The following ZBTB8OS variants were observed in gnomAD, a reference collection of about 807,000 sequenced individuals.
The protein encoded by ZBTB8OS is tRNA splicing ligase complex subunit 1, also known as tRNA-splicing ligase-activating factor archease.
In ZBTB8OS, 16 loss-of-function variants were observed where a neutral mutation model predicts 29.3. The ratio of observed to expected loss-of-function variants is 0.55; its 90% CI spans 0.37 to 0.83. ZBTB8OS has a LOEUF of 0.83. Ranked by LOEUF, ZBTB8OS falls within the 40% of genes least tolerant of loss-of-function variation. The pLI is 0.00. For synonymous variants in ZBTB8OS, 70 were observed against 64.6 expected, an observed-to-expected ratio of 1.08 and a Z score of -0.40; for missense variants, 160 against 196.9, an observed-to-expected ratio of 0.81 and a Z score of 1.12.
intron 1 of ZBTB8OS, among the ~76,000 whole-genome samples, chr1:32,643,468 C>A (rs1646593217): frequency 6.6e-6 from 1 of 151,846 alleles, no homozygotes; most frequent in South Asian, 2.1e-4. Flanking sequence ...TCATGGCTCA[C>A]AGCAGCCTTG....
chr1:32,632,191 T>A (rs1645618041), intron 4 of ZBTB8OS: 2 of 172,940 alleles, frequency 1.2e-5, no homozygotes, highest in Non-Finnish European at 2.4e-5. Flanking sequence ...GTATTTTTAG[T>A]AGAGACGGGG....
At chr1:32,649,645 CACACACACACACACACACACACA>C (rs1557834931) in intron 1 of ZBTB8OS, among the ~76,000 whole-genome samples, 21 of 143,818 alleles carry the variant, frequency 1.5e-4, no homozygotes, top group African/African-American at 5.4e-4. Context: ...CACACACACA[CACACACACACACACACACACACA>C]TTTTTTTTTT....
In ZBTB8OS at chr1:32,634,805, G is replaced by C. The variant is rs201093498; in HGVS notation, c.98-13C>G. The C allele has an allele frequency of 6.3e-6, 10 of 1,579,762 alleles. No individual in the cohort carries two copies. Among genetic ancestry groups the C allele is most frequent in the Non-Finnish European group, 7.8e-6 (9 of 1,148,798 alleles). On this transcript the variant is annotated splice_polypyrimidine_tract_variant and intron_variant, in intron 1 of 6. Transcript: ENST00000468695. ...GTATGATCCAAATCTGAGGGACAGAGGGAAAAACACTTATAAGACACTAAA... is the reference window on the plus strand; with the variant it reads ...GTATGATCCAAATCTGAGGGACAGACGGAAAAACACTTATAAGACACTAAA...
chr1:32,636,945 T>C (rs892614150), intron 1 of ZBTB8OS, among the ~76,000 whole-genome samples: 1 of 152,118 alleles, frequency 6.6e-6, no homozygotes, highest in South Asian at 2.1e-4. Context: ...AGCCATTCCA[T>C]TGAAATGTAA....
intron 1 of ZBTB8OS, 62 bp downstream of exon 1, chr1:32,650,371 G>C (rs1412500352): frequency 1.9e-6 from 3 of 1,600,990 alleles, no homozygotes; most frequent in African/African-American, 2.7e-5. Context: ...AGGAAGCCGC[G>C]GGTAAGGAGA....
chr1:32,627,797 G>A (rs1645230350), intron 5 of ZBTB8OS: 2 of 477,804 alleles, frequency 4.2e-6, no homozygotes, highest in Admixed American at 7.6e-5. Context: ...GGCACTTCCG[G>A]AGGCCAAAGG....
At chr1:32,643,703 G>A (rs574762436) in intron 1 of ZBTB8OS, among the ~76,000 whole-genome samples, 4 of 151,912 alleles carry the variant, frequency 2.6e-5, no homozygotes, top group Non-Finnish European at 5.9e-5. Context: ...CACTATGTTG[G>A]CCAGGCTGGT....
In ZBTB8OS at chr1:32,627,518, T is replaced by C. The variant is rs2148324557; in HGVS notation, c.407A>G (p.Lys136Arg). 2 of 1,613,920 alleles carry C rather than the reference T, an allele frequency of 1.2e-6. No homozygotes were observed. Among genetic ancestry groups the C allele is most frequent in the South Asian group, 1.1e-5 (1 of 91,004 alleles). Residue 136 changes from lysine (K) to arginine (R), a missense_variant, in exon 6 of 7, where the codon AAG becomes AGG. By Grantham distance (26) the Lys-to-Arg change is conservative. Coordinates refer to ENST00000468695, the MANE Select transcript of ZBTB8OS (RefSeq NM_178547.5). ...GATTTTAAAACATACCTGAGGGTGCTTGGACAATGAAAATTCTTCTCCCCA... is the reference window on the plus strand; with the variant it reads ...GATTTTAAAACATACCTGAGGGTGCCTGGACAATGAAAATTCTTCTCCCCA... ...IGWGEEFSLSKHPQGTEVKAI... is the reference protein window; with the variant it reads ...IGWGEEFSLSRHPQGTEVKAI...
At chr1:32,634,974 T>C (rs1449501508) in intron 1 of ZBTB8OS, among the ~76,000 whole-genome samples, 182 bp from the exon 2 acceptor site, 1 of 151,750 alleles carries the variant, frequency 6.6e-6, no homozygotes, top group Non-Finnish European at 1.5e-5. Context: ...TTTGCTTTGT[T>C]GGAATCTTTT....
intron 2 of ZBTB8OS, 124 bp downstream of exon 2, chr1:32,634,644 T>A: frequency 7.7e-7 from 1 of 1,296,050 alleles, no homozygotes. Flanking sequence ...TTTCAAACCA[T>A]CATTTTCATA....
chr1:32,648,162 ACAGT>A (rs1303000350), intron 1 of ZBTB8OS, among the ~76,000 whole-genome samples: 2 of 152,266 alleles, frequency 1.3e-5, no homozygotes, highest in Non-Finnish European at 2.9e-5. Flanking sequence ...TAAGAAAAAT[ACAGT>A]AAGTATACTT....
chr1:32,644,297 C>T (rs1294441081), intron 1 of ZBTB8OS, among the ~76,000 whole-genome samples: 1 of 152,036 alleles, frequency 6.6e-6, no homozygotes, highest in African/African-American at 2.4e-5. Flanking sequence ...AGTCAGCTTG[C>T]ACAAGTTAAG....
intron 1 of ZBTB8OS, among the ~76,000 whole-genome samples, chr1:32,636,332 A>G (rs1454764889): frequency 6.6e-6 from 1 of 152,128 alleles, no homozygotes; most frequent in Admixed American, 6.6e-5. Context: ...CAATTCCCCC[A>G]TCTTGATGAA....
intron 5 of ZBTB8OS, among the ~76,000 whole-genome samples, chr1:32,630,264 C>T (rs536589899): frequency 2.0e-5 from 3 of 152,206 alleles, no homozygotes; most frequent in Admixed American, 6.5e-5. Context: ...TGGTGGCAGG[C>T]GCCTGTAATC....
At chr1:32,627,464 A>T in intron 6 of ZBTB8OS, 44 bp downstream of exon 6, 1 of 1,593,030 alleles carries the variant, frequency 6.3e-7, no homozygotes, top group Non-Finnish European at 8.6e-7. Context: ...ACTTTATGGT[A>T]AGGAAATTTT....
intron 6 of ZBTB8OS, among the ~76,000 whole-genome samples, chr1:32,627,121 A>G (rs1645184981): frequency 6.6e-6 from 1 of 152,208 alleles, no homozygotes; most frequent in South Asian, 2.1e-4. Context: ...CTGTTCCAAT[A>G]GATTTTCCTA....
At chr1:32,627,403 T>C (rs998031587) in intron 6 of ZBTB8OS, 105 bp downstream of exon 6, 10 of 1,006,412 alleles carry the variant, frequency 9.9e-6, no homozygotes, top group Non-Finnish European at 1.5e-5. Context: ...GAGAAAAACT[T>C]ATCACTTTAC....
rs761156476 is a variant in ZBTB8OS at position 32,621,962 on chromosome 1, TAG to T, written c.418-16_418-15del. ...GACTTCTGTTCCCTAAAGTTGGGGT[TAG>T]AGAAAAAAAAAAAAAAAAGGAAAAT... On this transcript the variant is annotated splice_polypyrimidine_tract_variant and intron_variant, in intron 6 of 6. Transcript: ENST00000468695. The T allele has an allele frequency of 1.4e-5, 21 of 1,465,266 alleles. No individual in the cohort carries two copies. The highest frequency in any genetic ancestry group is 4.9e-5 in the Admixed American group (2 of 40,762). The allele number at this position is 1,465,266 out of a possible 1,614,324, so 90.8% of individuals were successfully genotyped here. A position where few individuals can be genotyped will look rare whatever the true frequency, so the allele number is the denominator to read the frequency against.
Position 32,648,962 on chromosome 1 carries a change from CCT to C in ZBTB8OS, c.97+1469_97+1470del, listed in dbSNP as rs1647064622. Among the ~76,000 whole-genome samples the C allele has an allele frequency of 5.8e-5, 7 of 121,112 alleles. No homozygotes were observed. In the South Asian group the frequency reaches 1.1e-3, roughly 19 times the overall value. 79.5% of individuals were successfully genotyped at this position (121,112 alleles called of 152,430 possible). Reference sequence around the variant, plus strand: ...TACAGGCGTGAGCCACAGCACCAGGCCTTTTTTTTTTTTTTTTTTTTTTTGAG... The same window carrying C: ...TACAGGCGTGAGCCACAGCACCAGGCTTTTTTTTTTTTTTTTTTTTTTGAG... On this transcript the variant is annotated intron_variant, in intron 1 of 6. Coordinates refer to ENST00000468695, the MANE Select transcript of ZBTB8OS (RefSeq NM_178547.5).
Sources: gnomAD v4.1 joint callset for allele counts (sites outside exome capture counted in the v4.1 genomes callset) on GRCh38, gnomAD v4.1.1 for gene constraint, MANE v1.5 for transcripts, NCBI Gene and HGNC (gene_info 2026-07-23, HGNC 2026-07-21) for gene names.